The following GSTT4 variants were observed in gnomAD, a reference collection of about 807,000 sequenced individuals.
GSTT4 encodes the protein glutathione S-transferase theta-4.
chr22:24,002,830 C>CA (rs57115393), intron 2 of GSTT4, among the ~76,000 whole-genome samples: 64,399 of 89,848 alleles, frequency 0.72, 22,580 homozygotes, highest in Non-Finnish European at 0.75. Context: ...GACTCCGTCT[C>CA]AAAAAAAAAA....
At chr22:23,992,351 CAA>C in the GSTT4 span, among the ~76,000 whole-genome samples, 13 of 144,984 alleles carry the variant, frequency 9.0e-5, no homozygotes, top group African/African-American at 3.3e-4. Flanking sequence ...ACGAGTTTTG[CAA>C]AAGAGAAAAG....
downstream of GSTT4, among the ~76,000 whole-genome samples, chr22:23,993,573 C>T (rs1443688050): frequency 1.3e-5 from 2 of 152,358 alleles, no homozygotes; most frequent in East Asian, 3.9e-4. Context: ...CACCTTGTTC[C>T]TCACAGACTG....
At chr22:23,992,962 G>A in the GSTT4 span, among the ~76,000 whole-genome samples, 2 of 114,866 alleles carry the variant, frequency 1.7e-5, no homozygotes, top group African/African-American at 6.0e-5. Context: ...TTGTAGAGAC[G>A]GGGTCGCACT....
the GSTT4 span, among the ~76,000 whole-genome samples, chr22:23,992,543 C>T: frequency 4.0e-5 from 6 of 151,068 alleles, no homozygotes; most frequent in African/African-American, 7.3e-5. Context: ...GGGCCTACAA[C>T]GCAGAAGGGC....
At chr22:24,003,033 A>G (rs909179040) in intron 2 of GSTT4, among the ~76,000 whole-genome samples, 1 of 152,246 alleles carries the variant, frequency 6.6e-6, no homozygotes, top group African/African-American at 2.4e-5. Context: ...CAGTGGCGCA[A>G]TCAGAGTTCA....
At chr22:23,990,601 G>T in the GSTT4 span, among the ~76,000 whole-genome samples, 1 of 105,196 alleles carries the variant, frequency 9.5e-6, no homozygotes, top group African/African-American at 3.1e-5. Flanking sequence ...CCTCTAGCCT[G>T]GGCTGCAGAT....
At chr22:23,996,084 C>T (rs1259380356), downstream of GSTT4, among the ~76,000 whole-genome samples, 1 of 152,090 alleles carries the variant, frequency 6.6e-6, no homozygotes, top group Non-Finnish European at 1.5e-5. Context: ...GCTGGGACTA[C>T]AGGCATGCGC....
At chr22:23,999,026 C>T (rs146033871) in intron 4 of GSTT4, among the ~76,000 whole-genome samples, 254 of 152,280 alleles carry the variant, frequency 1.7e-3, no homozygotes, top group African/African-American at 5.7e-3. Context: ...CAGCCTGCGA[C>T]CTCGCATGAA....
Position 24,003,742 on chromosome 22 carries a change from G to A in GSTT4, c.200+18C>T, listed in dbSNP as rs1458691818. ...AGAAGCAGAGACAGATGGTGCAAGG[G>A]CCCCAGGGAAGACTTACCTTTCACT... On this transcript the variant is annotated intron_variant, in intron 2 of 4. Transcript: ENST00000621179. The A allele has an allele frequency of 2.6e-5, 4 of 155,510 alleles. No individual in the cohort carries two copies. The East Asian group carries it at 7.7e-4, about 30-fold the overall frequency. The allele number at this position is 155,510 out of a possible 1,614,324, so 9.6% of individuals were successfully genotyped here. A position where few individuals can be genotyped will look rare whatever the true frequency, so the allele number is the denominator to read the frequency against.
chr22:24,003,686 A>G (rs2034287282), intron 2 of GSTT4, 74 bp downstream of exon 2: 2 of 155,024 alleles, frequency 1.3e-5, no homozygotes, highest in African/African-American at 4.8e-5. Flanking sequence ...CCATGGTCAA[A>G]CAGACAAATG....
chr22:23,998,456 G>GTTTTT lies in GSTT4; in HGVS notation c.*81_*85dup, dbSNP rs11343686. On this transcript the variant is annotated 3_prime_UTR_variant, in exon 5 of 5. Coordinates refer to ENST00000621179, the MANE Select transcript of GSTT4 (RefSeq NM_001358664.2). ...AGAACAGTTGTTTTTTTGTTTTTTT[G>GTTTTT]TTTTTTTTTTTTTAACATTTCCTTT... 6.5e-5 allele frequency: 9 copies of GTTTTT among 139,060 alleles called. No individual in the cohort carries two copies. Among genetic ancestry groups the GTTTTT allele is most frequent in the African/African-American group, 2.6e-4 (9 of 34,754 alleles). 8.6% of individuals were successfully genotyped at this position (139,060 alleles called of 1,614,324 possible).
At chr22:24,000,561 T>C (rs1211151886) in intron 3 of GSTT4, among the ~76,000 whole-genome samples, 1 of 129,754 alleles carries the variant, frequency 7.7e-6, no homozygotes, top group East Asian at 2.0e-4. Flanking sequence ...CATACTCTTT[T>C]TTGTTTTTGT....
chr22:23,995,100 C>T (rs1247273399), downstream of GSTT4, among the ~76,000 whole-genome samples: 1 of 152,054 alleles, frequency 6.6e-6, no homozygotes, highest in African/African-American at 2.4e-5. Flanking sequence ...GCTGTTAAGG[C>T]TGGCGTAGTC....
chr22:23,993,271 C>T, the GSTT4 span, among the ~76,000 whole-genome samples: 1 of 152,194 alleles, frequency 6.6e-6, no homozygotes, highest in Non-Finnish European at 1.5e-5. Flanking sequence ...CTGCGTTGCC[C>T]AGGCTGGTCT....
intron 2 of GSTT4, 36 bp downstream of exon 2, chr22:24,003,724 G>A (rs1293006546): frequency 1.3e-5 from 2 of 155,230 alleles, no homozygotes; most frequent in Admixed American, 1.3e-4. Flanking sequence ...AGGAGAAGCA[G>A]AGACAGATGG....
chr22:23,993,504 A>C (rs2034087271), downstream of GSTT4, among the ~76,000 whole-genome samples: 1 of 152,224 alleles, frequency 6.6e-6, no homozygotes, highest in African/African-American at 2.4e-5. Flanking sequence ...GGTGATCCAA[A>C]TGCACCTTAA....
chr22:23,992,684 G>T, the GSTT4 span, among the ~76,000 whole-genome samples: 5,479 of 80,838 alleles, frequency 0.068, no homozygotes, highest in Admixed American at 0.094. Context: ...GGTGGACAGG[G>T]CACTGTCTGC....
intron 2 of GSTT4, among the ~76,000 whole-genome samples, chr22:24,001,726 C>T (rs1327709588): frequency 6.6e-6 from 1 of 152,280 alleles, no homozygotes; most frequent in Non-Finnish European, 1.5e-5. Context: ...TGGCTCACAC[C>T]TGTAATCCCG....
intron 2 of GSTT4, 132 bp downstream of exon 2, chr22:24,003,628 C>T (rs2034286026): frequency 1.3e-5 from 2 of 154,396 alleles, no homozygotes; most frequent in South Asian, 4.1e-4. Context: ...TTCCTCGTGT[C>T]CCTCATTAGT....
Sources: allele counts gnomAD v4.1 joint callset (sites outside exome capture counted in the v4.1 genomes callset), GRCh38; gene constraint gnomAD v4.1.1; transcripts MANE v1.5; gene names NCBI Gene and HGNC (gene_info 2026-07-23, HGNC 2026-07-21).